NUFIP1: variants seen among roughly 807,000 people sequenced by gnomAD.
NUFIP1 encodes FMR1-interacting protein NUFIP1.
NUFIP1 carries 38 observed loss-of-function variants against 56.2 expected under a neutral mutation model. The observed-to-expected ratio is 0.68, with a 90% CI of 0.52 to 0.89. NUFIP1 has a LOEUF of 0.89. Ranked by LOEUF, NUFIP1 falls within the 40% of genes least tolerant of loss-of-function variation. The pLI is 0.00. For missense variants in NUFIP1, 567 were observed against 605.8 expected, an observed-to-expected ratio of 0.94 and a Z score of 0.67; for synonymous variants, 215 against 212.4, an observed-to-expected ratio of 1.01 and a Z score of -0.10.
At chr13:44,975,174 G>T (rs148654241) in intron 5 of NUFIP1, among the ~76,000 whole-genome samples, 18 of 152,082 alleles carry the variant, frequency 1.2e-4, no homozygotes, top group African/African-American at 3.6e-4. Flanking sequence ...AGGGCTCAAG[G>T]TTCAATATTA....
At chr13:44,959,934 T>C (rs567171928) in intron 6 of NUFIP1, among the ~76,000 whole-genome samples, 281 of 151,416 alleles carry the variant, frequency 1.9e-3, no homozygotes, top group African/African-American at 6.6e-3. Context: ...TTTTTTCTTC[T>C]CTTTTTTTTT....
chr13:44,969,694 T>G (rs188139757), intron 5 of NUFIP1, among the ~76,000 whole-genome samples: 2 of 152,334 alleles, frequency 1.3e-5, no homozygotes, highest in African/African-American at 4.8e-5. Flanking sequence ...CTATACCTTA[T>G]GCCTCCAGTG....
chr13:44,988,195 G>A (rs1215392379), intron 1 of NUFIP1, among the ~76,000 whole-genome samples: 3 of 152,208 alleles, frequency 2.0e-5, no homozygotes, highest in Non-Finnish European at 4.4e-5. Context: ...TGAGGCGGGC[G>A]GATGCCTGAG....
intron 7 of NUFIP1, among the ~76,000 whole-genome samples, chr13:44,951,886 C>G (rs1566057110): frequency 6.6e-6 from 1 of 152,122 alleles, no homozygotes; most frequent in Non-Finnish European, 1.5e-5. Flanking sequence ...GATATTTTTG[C>G]TGATGGAGGG....
intron 6 of NUFIP1, among the ~76,000 whole-genome samples, chr13:44,964,732 C>A (rs543453240): frequency 1.6e-4 from 24 of 152,176 alleles, no homozygotes; most frequent in Admixed American, 8.5e-4. Flanking sequence ...AAAAACGACC[C>A]AAAAGGATCA....
intron 5 of NUFIP1, 124 bp downstream of exon 5, chr13:44,979,066 C>T (rs899163511): frequency 8.6e-6 from 6 of 696,782 alleles, no homozygotes; most frequent in African/African-American, 3.6e-5. Context: ...AATAGTCTTA[C>T]ATAATATGCC....
chr13:44,949,757 T>C lies in NUFIP1; in HGVS notation c.1103A>G (p.Tyr368Cys), dbSNP rs752538312. ...TPALCSLMSSYGSLSGSESEP... is the reference protein window; with the variant it reads ...TPALCSLMSSCGSLSGSESEP... ...ACTCTCTGACCCTGAAAGACTGCCA[T>C]AGCTACTCATTAGTGAGCATAGGGC... The change falls in exon 8 of 10, where the codon TAT becomes TGT. Residue 368 changes from tyrosine to cysteine, a missense_variant. Coordinates refer to ENST00000379161, the MANE Select transcript of NUFIP1 (RefSeq NM_012345.3). 10 of 1,613,292 alleles carry C rather than the reference T, an allele frequency of 6.2e-6. No homozygotes were observed. The highest frequency in any genetic ancestry group is 2.2e-5 in the East Asian group (1 of 44,866).
intron 7 of NUFIP1, among the ~76,000 whole-genome samples, chr13:44,951,459 C>T (rs1459404685): frequency 6.6e-6 from 1 of 152,206 alleles, no homozygotes; most frequent in African/African-American, 2.4e-5. Flanking sequence ...GGCTATCTGA[C>T]TCCAAATCCA....
In NUFIP1 at chr13:44,979,940, C is replaced by T; in HGVS notation, c.607G>A (p.Asp203Asn). ...TTCTCGTGTGCAGTAAAAGAGCAAT[C>T]TAATTCAGGGCACTATGAGTTTTTA... ...MSEHTKCPEL[D>N]CSFTAHEKIV... The change falls in exon 4 of 10, where the codon GAT (aspartate) becomes AAT (asparagine). Residue 203 changes from aspartate to asparagine, a missense_variant. Transcript: ENST00000379161. The T allele has an allele frequency of 6.2e-7, 1 of 1,601,100 alleles. No homozygotes were observed. The highest frequency in any genetic ancestry group is 8.5e-7 in the Non-Finnish European group (1 of 1,175,962).
At chr13:44,978,080 C>G (rs1038587584) in intron 5 of NUFIP1, among the ~76,000 whole-genome samples, 1 of 152,116 alleles carries the variant, frequency 6.6e-6, no homozygotes. Flanking sequence ...GTCCCTTCAC[C>G]CTTATCCAAC....
intron 1 of NUFIP1, among the ~76,000 whole-genome samples, chr13:44,984,931 T>C (rs1175250559): frequency 6.6e-6 from 1 of 152,176 alleles, no homozygotes; most frequent in African/African-American, 2.4e-5. Context: ...CATTGTTCAA[T>C]TCCCATCTAT....
intron 5 of NUFIP1, among the ~76,000 whole-genome samples, chr13:44,970,115 G>A (rs1871751175): frequency 1.3e-5 from 2 of 152,108 alleles, no homozygotes; most frequent in South Asian, 2.1e-4. Flanking sequence ...TATAATAAAA[G>A]CAAGGTTTTG....
chr13:44,976,128 G>C (rs1354604415), intron 5 of NUFIP1, among the ~76,000 whole-genome samples: 2 of 152,042 alleles, frequency 1.3e-5, no homozygotes, highest in African/African-American at 2.4e-5. Context: ...AGTAGTAGGG[G>C]GAAAAAACCT....
rs1872209114 is a variant in NUFIP1 at position 44,982,020 on chromosome 13, A to C, written c.495+52T>G. On this transcript the variant is annotated intron_variant, in intron 2 of 9. Transcript: ENST00000379161. ...AGTTATGACAGAAATGCAAGATATG[A>C]AACAGTAACATAGGGACCAAGGGGT... is the stretch of plus-strand genomic sequence containing the variant. 3.2e-6 allele frequency: 3 copies of C among 944,724 alleles called. No homozygotes were observed. In the African/African-American group the frequency reaches 5.1e-5, roughly 16 times the overall value. The allele number at this position is 944,724 out of a possible 1,614,324, so 58.5% of individuals were successfully genotyped here.
At chr13:44,966,925 A>G (rs1405794073) in intron 5 of NUFIP1, among the ~76,000 whole-genome samples, 2 of 151,566 alleles carry the variant, frequency 1.3e-5, no homozygotes, top group Non-Finnish European at 2.9e-5. Flanking sequence ...GTGACCTGAG[A>G]TCGTGCCGCT....
intron 1 of NUFIP1, among the ~76,000 whole-genome samples, chr13:44,984,267 C>T (rs774235427): frequency 6.6e-6 from 1 of 152,200 alleles, no homozygotes; most frequent in African/African-American, 2.4e-5. Context: ...ATCAGTCACA[C>T]TGTATTTTGA....
At chr13:44,986,802 CT>C (rs1229988106) in intron 1 of NUFIP1, among the ~76,000 whole-genome samples, 6 of 151,700 alleles carry the variant, frequency 4.0e-5, no homozygotes, top group Non-Finnish European at 7.4e-5. Context: ...AAAGAAAGTG[CT>C]TTTTTGAGAA....
At chr13:44,956,197 G>T (rs531477790) in intron 7 of NUFIP1, among the ~76,000 whole-genome samples, 2 of 148,270 alleles carry the variant, frequency 1.3e-5, no homozygotes, top group South Asian at 4.3e-4. Flanking sequence ...ACAAATTTTT[G>T]TTGGGCTGCA....
rs11421255 is a variant in NUFIP1, at chr13:44,949,199, A to ATTTT, written c.1138+519_1138+522dup. Among the ~76,000 whole-genome samples the ATTTT allele has an allele frequency of 9.6e-4, 108 of 112,614 alleles. 1 individual carries two copies. The highest frequency in any genetic ancestry group is 1.6e-3 in the East Asian group (6 of 3,788). The allele number at this position is 112,614 out of a possible 152,430, so 73.9% of individuals were successfully genotyped here. A position where few individuals can be genotyped will look rare whatever the true frequency, so the allele number is the denominator to read the frequency against. On this transcript the variant is annotated intron_variant, in intron 8 of 9. Coordinates refer to ENST00000379161, the MANE Select transcript of NUFIP1 (RefSeq NM_012345.3). ...CCTTCCTATTCTTTCATTATATTGT[A>ATTTT]TTTTTTTTTTTTTTTTTTTTGAGAC...
Sources: gnomAD v4.1 joint callset for allele counts (sites outside exome capture counted in the v4.1 genomes callset) on GRCh38, gnomAD v4.1.1 for gene constraint, MANE v1.5 for transcripts, NCBI Gene and HGNC (gene_info 2026-07-23, HGNC 2026-07-21) for gene names.